Variants in ITSN2 observed in about 807,000 individuals in gnomAD.
ITSN2 encodes the protein intersectin-2.
A neutral mutation model predicts 243.7 loss-of-function variants in ITSN2; 156 were observed. The observed-to-expected ratio is 0.64, with a 90% CI of 0.56 to 0.73. ITSN2 has a LOEUF of 0.73. ITSN2 is among the 30% of genes least tolerant of loss of function. ITSN2 has a pLI of 0.00. For synonymous variants in ITSN2, 703 were observed against 699.9 expected, an observed-to-expected ratio of 1.00 and a Z score of -0.07; for missense variants, 1,801 against 1,996.1, an observed-to-expected ratio of 0.90 and a Z score of 1.86.
At position 24,337,513 on chromosome 2, in the gene ITSN2, G is replaced by A. The variant is rs573710037; in HGVS notation, c.-33-9398C>T. Among the ~76,000 whole-genome samples, 4 of 149,562 alleles carry A rather than the reference G, an allele frequency of 2.7e-5. No individual in the cohort carries two copies. In the South Asian group the frequency reaches 8.5e-4, roughly 32 times the overall value. On this transcript the variant is annotated intron_variant, in intron 1 of 39. Transcript: ENST00000355123. ...TTACAGGCGCGCACCACCATGCCCA[G>A]CTAATTTTTTGTATTTTTAGTAAAG... is the stretch of plus-strand genomic sequence containing the variant.
chr2:24,237,671 T>A (rs1672318511), intron 29 of ITSN2, among the ~76,000 whole-genome samples: 1 of 152,166 alleles, frequency 6.6e-6, no homozygotes, highest in Admixed American at 6.6e-5. Flanking sequence ...AATCTGGAAA[T>A]AACTGACTTT....
intron 29 of ITSN2, among the ~76,000 whole-genome samples, chr2:24,231,806 T>C (rs1671626002): frequency 6.6e-6 from 1 of 152,156 alleles, no homozygotes; most frequent in Admixed American, 6.5e-5. Flanking sequence ...TCCTTGCCCA[T>C]TTGGAGGGGA....
chr2:24,234,179 TAG>T (rs1375680226), intron 29 of ITSN2, among the ~76,000 whole-genome samples: 5 of 150,464 alleles, frequency 3.3e-5, no homozygotes, highest in Non-Finnish European at 7.4e-5. Context: ...CCCATATAAA[TAG>T]AGTCAACTGA....
At chr2:24,244,353 C>T (rs548937094) in intron 29 of ITSN2, among the ~76,000 whole-genome samples, 8 of 152,134 alleles carry the variant, frequency 5.3e-5, no homozygotes, top group Middle Eastern at 3.4e-3. Flanking sequence ...ATAAAATAGG[C>T]GGGGGAAAGG....
At chr2:24,284,916 G>A (rs1280069892) in intron 16 of ITSN2, 73 bp from the exon 17 acceptor site, 12 of 479,894 alleles carry the variant, frequency 2.5e-5, no homozygotes, top group Non-Finnish European at 4.1e-5. Flanking sequence ...TTTTTTTTTT[G>A]AGATGGAGTC....
intron 2 of ITSN2, among the ~76,000 whole-genome samples, chr2:24,325,348 T>C (rs921000182): frequency 5.3e-5 from 8 of 152,056 alleles, no homozygotes; most frequent in Non-Finnish European, 8.8e-5. Flanking sequence ...AAGTCGAGGC[T>C]GCAGTGAGCT....
intron 1 of ITSN2, among the ~76,000 whole-genome samples, chr2:24,352,513 C>T (rs1295939879): frequency 6.6e-6 from 1 of 152,126 alleles, no homozygotes; most frequent in Non-Finnish European, 1.5e-5. Flanking sequence ...ATATACAAAG[C>T]ATTAAGACCT....
intron 23 of ITSN2, among the ~76,000 whole-genome samples, chr2:24,256,259 C>G (rs780890922): frequency 6.6e-6 from 1 of 152,162 alleles, no homozygotes; most frequent in Non-Finnish European, 1.5e-5. Context: ...AATTCCATGT[C>G]AGGCTGAAAA....
chr2:24,336,569 C>CT (rs1419943021), intron 1 of ITSN2, among the ~76,000 whole-genome samples: 1 of 152,176 alleles, frequency 6.6e-6, no homozygotes, highest in Non-Finnish European at 1.5e-5. Context: ...GTTCTCTCCT[C>CT]TACTCCTTCA....
Position 24,298,707 on chromosome 2 carries a change from T to G in ITSN2, c.1452A>C (p.Leu484Phe). The G allele has an allele frequency of 6.2e-7, 1 of 1,611,708 alleles. No homozygotes were observed. The highest frequency in any genetic ancestry group is 8.5e-7 in the Non-Finnish European group (1 of 1,179,264). ...KNREQEEIVR[L>F]NSKKKNLHLE... ...GATGAAGATTCTTCTTTTTAGAGTT[T>G]AACCTGACAATTTCTTCTTGTTCTC... is the stretch of plus-strand genomic sequence containing the variant. The change falls in exon 13 of 40, where the codon TTA becomes TTC. Residue 484 changes from leucine (L) to phenylalanine (F), a missense_variant. By Grantham distance (22) the Leu-to-Phe change is conservative. This residue lies in a region of ITSN2 where 787 missense variants were observed against 803.9 expected (regional missense o/e 0.98). Transcript: ENST00000355123.
At chr2:24,235,472 A>G (rs1443200710) in intron 29 of ITSN2, among the ~76,000 whole-genome samples, 1 of 152,162 alleles carries the variant, frequency 6.6e-6, no homozygotes, top group Non-Finnish European at 1.5e-5. Flanking sequence ...ACCCTAATGT[A>G]AACTACAGAC....
At chr2:24,275,965 T>A in intron 17 of ITSN2, 116 bp from the exon 18 acceptor site, 1 of 710,786 alleles carries the variant, frequency 1.4e-6, no homozygotes, top group Non-Finnish European at 2.1e-6. Context: ...GAACTAAATT[T>A]AAAATATTTA....
chr2:24,267,051 T>C (rs1676737625), intron 20 of ITSN2, among the ~76,000 whole-genome samples: 1 of 152,130 alleles, frequency 6.6e-6, no homozygotes, highest in African/African-American at 2.4e-5. Flanking sequence ...TGCTGCAAAA[T>C]GCTCAGCATT....
intron 1 of ITSN2, among the ~76,000 whole-genome samples, chr2:24,351,245 A>C (rs902363228): frequency 6.6e-6 from 1 of 152,172 alleles, no homozygotes; most frequent in African/African-American, 2.4e-5. Flanking sequence ...ATTAAACTAC[A>C]TACCAGCTAG....
chr2:24,246,828 A>G lies in ITSN2; in HGVS notation c.3354T>C (p.Ser1118=). The G allele has an allele frequency of 6.2e-7, 1 of 1,612,632 alleles. No individual in the cohort carries two copies. Among genetic ancestry groups the G allele is most frequent in the Non-Finnish European group, 8.5e-7 (1 of 1,178,868 alleles). Residue 1118 remains serine, a synonymous_variant, in exon 28 of 40, where the codon AGT becomes AGC. Coordinates refer to ENST00000355123, the MANE Select transcript of ITSN2 (RefSeq NM_006277.3). ...GAAAGGCAGGTGTGGCTCTTTCACTACTTGGACCCAAAAGTTTAACATGAC... is the reference window on the plus strand; with the variant it reads ...GAAAGGCAGGTGTGGCTCTTTCACTGCTTGGACCCAAAAGTTTAACATGAC... ...PASHVKLLGP[S]SERATPAFHP...
At chr2:24,297,666 C>A (rs899007013) in intron 13 of ITSN2, among the ~76,000 whole-genome samples, 3 of 152,188 alleles carry the variant, frequency 2.0e-5, no homozygotes, top group Non-Finnish European at 4.4e-5. Context: ...TGTTCTGCTG[C>A]CCGAGCTTCC....
At chr2:24,256,661 T>C (rs1329872820) in intron 23 of ITSN2, among the ~76,000 whole-genome samples, 1 of 152,218 alleles carries the variant, frequency 6.6e-6, no homozygotes, top group Non-Finnish European at 1.5e-5. Flanking sequence ...TGTTCATTCA[T>C]TCACGCCTCT....
intron 14 of ITSN2, among the ~76,000 whole-genome samples, chr2:24,295,376 G>C (rs1558571651): frequency 6.6e-6 from 1 of 152,144 alleles, no homozygotes. Context: ...GTGCGATCTG[G>C]GTTCACTGCA....
intron 1 of ITSN2, among the ~76,000 whole-genome samples, chr2:24,347,597 A>T (rs1453336366): frequency 1.3e-5 from 2 of 152,194 alleles, no homozygotes; most frequent in South Asian, 2.1e-4. Flanking sequence ...GAGGCAGGAA[A>T]ATCGCTTGAA....
Sources: gnomAD v4.1 joint callset for allele counts (sites outside exome capture counted in the v4.1 genomes callset) on GRCh38, gnomAD v4.1.1 for gene constraint, gnomAD v4.1.1 regional missense constraint, MANE v1.5 for transcripts, NCBI Gene and HGNC (gene_info 2026-07-23, HGNC 2026-07-21) for gene names.